The following SLC9A9 variants were observed in gnomAD, a reference collection of about 807,000 sequenced individuals.
The protein encoded by SLC9A9 is sodium/hydrogen exchanger 9.
SLC9A9 carries 62 observed loss-of-function variants against 77.8 expected under a neutral mutation model. The ratio of observed to expected loss-of-function variants is 0.80; its 90% CI spans 0.65 to 0.98. SLC9A9 has a LOEUF of 0.98. SLC9A9 is among the 50% of genes least tolerant of loss of function. The pLI, the probability that SLC9A9 is intolerant of heterozygous loss-of-function variation, is 0.00. For synonymous variants in SLC9A9, 320 were observed against 283.5 expected (o/e 1.13, Z -1.29); for missense variants, 775 against 774.9 (o/e 1.00, Z 0.00).
At chr3:143,288,225 T>C (rs1362148292) in intron 14 of SLC9A9, among the ~76,000 whole-genome samples, 2 of 149,454 alleles carry the variant, frequency 1.3e-5, no homozygotes, top group Admixed American at 1.3e-4. Flanking sequence ...ACATAGAGTA[T>C]AGGGAAAAAA....
At chr3:143,437,642 C>T (rs1286953273) in intron 12 of SLC9A9, among the ~76,000 whole-genome samples, 1 of 152,198 alleles carries the variant, frequency 6.6e-6, no homozygotes, top group African/African-American at 2.4e-5. Flanking sequence ...AGAGGGAGAG[C>T]TACAGTTAAA....
intron 4 of SLC9A9, among the ~76,000 whole-genome samples, chr3:143,718,701 G>A (rs1934418018): frequency 1.3e-5 from 2 of 152,176 alleles, no homozygotes; most frequent in Non-Finnish European, 2.9e-5. Flanking sequence ...TTCTGCAGCT[G>A]CTCACCTGGA....
At chr3:143,583,017 A>G (rs2037482093) in intron 6 of SLC9A9, among the ~76,000 whole-genome samples, 1 of 152,038 alleles carries the variant, frequency 6.6e-6, no homozygotes, top group East Asian at 1.9e-4. Flanking sequence ...GCTGGGTGTG[A>G]TGGTACTTGC....
At chr3:143,483,054 C>T (rs2035598585) in intron 11 of SLC9A9, among the ~76,000 whole-genome samples, 1 of 152,156 alleles carries the variant, frequency 6.6e-6, no homozygotes, top group Admixed American at 6.5e-5. Context: ...GGTAAGCTCC[C>T]CTAATCAACT....
chr3:143,422,337 T>G (rs1233630233), intron 12 of SLC9A9, among the ~76,000 whole-genome samples: 2 of 152,184 alleles, frequency 1.3e-5, no homozygotes, highest in Non-Finnish European at 2.9e-5. Context: ...AGCAAAGACA[T>G]GGAATCAACC....
At chr3:143,345,985 A>G (rs1458137232) in intron 14 of SLC9A9, among the ~76,000 whole-genome samples, 1 of 152,172 alleles carries the variant, frequency 6.6e-6, no homozygotes, top group Non-Finnish European at 1.5e-5. Context: ...AAGGAGGAAA[A>G]TAAATGTCCT....
chr3:143,331,333 G>A (rs1310455585), intron 14 of SLC9A9, among the ~76,000 whole-genome samples: 1 of 152,186 alleles, frequency 6.6e-6, no homozygotes, highest in Non-Finnish European at 1.5e-5. Context: ...GGAGCTAGAT[G>A]CATGCTACTC....
chr3:143,731,649 T>C (rs1307404664), intron 4 of SLC9A9, among the ~76,000 whole-genome samples: 1 of 152,212 alleles, frequency 6.6e-6, no homozygotes, highest in African/African-American at 2.4e-5. Context: ...AACATGATTC[T>C]CTTAAGATGT....
At chr3:143,345,071 T>G (rs2032220707) in intron 14 of SLC9A9, among the ~76,000 whole-genome samples, 1 of 152,176 alleles carries the variant, frequency 6.6e-6, no homozygotes, top group Non-Finnish European at 1.5e-5. Context: ...GAACATGGAT[T>G]AGGTTTGGAA....
chr3:143,406,795 G>A (rs533868365), intron 12 of SLC9A9, among the ~76,000 whole-genome samples: 62 of 151,866 alleles, frequency 4.1e-4, no homozygotes, highest in African/African-American at 1.5e-3. Flanking sequence ...GGCCAACATG[G>A]CAAAACCCTG....
intron 8 of SLC9A9, among the ~76,000 whole-genome samples, chr3:143,569,379 A>G (rs2037221754): frequency 6.6e-6 from 1 of 151,960 alleles, no homozygotes; most frequent in Admixed American, 6.6e-5. Context: ...GTATGTGCAC[A>G]TACATAGACA....
chr3:143,636,261 C>T (rs913430765), intron 6 of SLC9A9, among the ~76,000 whole-genome samples: 1 of 152,028 alleles, frequency 6.6e-6, no homozygotes, highest in Non-Finnish European at 1.5e-5. Context: ...TTTTAAGATG[C>T]TATTATGAAT....
chr3:143,517,282 A>T, intron 9 of SLC9A9: 1 of 1,264,478 alleles, frequency 7.9e-7, no homozygotes, highest in East Asian at 2.3e-5. Context: ...GATCACTAAG[A>T]ATTTCATTGA....
intron 8 of SLC9A9, among the ~76,000 whole-genome samples, chr3:143,561,900 A>G (rs1171015092): frequency 2.0e-5 from 3 of 152,198 alleles, no homozygotes; most frequent in Non-Finnish European, 2.9e-5. Flanking sequence ...TGCACATTCT[A>G]TGCCCTTTTT....
chr3:143,308,084 G>A (rs2030871136), intron 14 of SLC9A9, among the ~76,000 whole-genome samples: 1 of 152,186 alleles, frequency 6.6e-6, no homozygotes, highest in Non-Finnish European at 1.5e-5. Flanking sequence ...TATGGTAGCT[G>A]AGCAGTGTGT....
intron 6 of SLC9A9, among the ~76,000 whole-genome samples, chr3:143,644,577 G>T (rs990862181): frequency 6.6e-6 from 1 of 152,194 alleles, no homozygotes; most frequent in African/African-American, 2.4e-5. Flanking sequence ...AGGCAGGGGT[G>T]TGGGCAGCAC....
intron 14 of SLC9A9, among the ~76,000 whole-genome samples, chr3:143,333,465 GTC>G (rs1559871743): frequency 2.0e-5 from 3 of 152,174 alleles, no homozygotes; most frequent in Admixed American, 2.0e-4. Context: ...CTCTTCTAGA[GTC>G]TCTCTATACA....
At chr3:143,481,122 G>A (rs6764301) in intron 11 of SLC9A9, among the ~76,000 whole-genome samples, 6,714 of 152,134 alleles carry the variant, frequency 0.044, 492 homozygotes, top group African/African-American at 0.15. Flanking sequence ...TTCAAGTAGC[G>A]TGCTGGGTGC....
At chr3:143,402,088 C>T (rs961224375) in intron 12 of SLC9A9, among the ~76,000 whole-genome samples, 4 of 152,028 alleles carry the variant, frequency 2.6e-5, no homozygotes, top group Admixed American at 6.6e-5. Flanking sequence ...CTCAGATGAT[C>T]GCACCCTACC....
Sources: allele counts gnomAD v4.1 joint callset (sites outside exome capture counted in the v4.1 genomes callset), GRCh38; gene constraint gnomAD v4.1.1; transcripts MANE v1.5; gene names NCBI Gene and HGNC (gene_info 2026-07-23, HGNC 2026-07-21).